Variants in UVRAG observed in about 807,000 individuals in gnomAD.
UVRAG encodes the protein UV radiation resistance associated.
In UVRAG, 19 loss-of-function variants were observed where a neutral mutation model predicts 78.0. The ratio of observed to expected loss-of-function variants is 0.24; its 90% confidence interval spans 0.17 to 0.36. The LOEUF is 0.36. Ranked by LOEUF, UVRAG falls within the 10% of genes least tolerant of loss-of-function variation. UVRAG has a pLI of 1.00. For missense variants in UVRAG, 740 were observed against 853.8 expected (o/e 0.87, Z 1.66); for synonymous variants, 323 against 324.6 (o/e 1.00, Z 0.05).
chr11:75,961,646 T>A, intron 7 of UVRAG, 97 bp downstream of exon 7: 5 of 868,054 alleles, frequency 5.8e-6, no homozygotes, highest in Non-Finnish European at 8.4e-6. Flanking sequence ...TTTAGATCGT[T>A]TTTATCTTCT....
intron 12 of UVRAG, among the ~76,000 whole-genome samples, chr11:76,053,462 A>C (rs989911630): frequency 4.6e-5 from 7 of 151,876 alleles, no homozygotes; most frequent in African/African-American, 1.7e-4. Flanking sequence ...TCCCCTCTTT[A>C]CCATTTTGTA....
At chr11:75,818,962 A>C (rs1333622279) in intron 1 of UVRAG, among the ~76,000 whole-genome samples, 1 of 152,188 alleles carries the variant, frequency 6.6e-6, no homozygotes, top group Non-Finnish European at 1.5e-5. Flanking sequence ...CCAAGATATC[A>C]GCAGCACCTC....
chr11:75,873,681 A>T (rs1309685345), intron 3 of UVRAG, among the ~76,000 whole-genome samples: 1 of 152,226 alleles, frequency 6.6e-6, no homozygotes, highest in Non-Finnish European at 1.5e-5. Flanking sequence ...TGTAAGCTAG[A>T]GGAAGCCCTC....
At position 76,141,134 on chromosome 11, in the gene UVRAG, G is replaced by A. The variant is rs1438327072; in HGVS notation, c.1821G>A (p.Gly607=). Residue 607 remains glycine (G), a synonymous_variant, in exon 15 of 15, where the codon GGG becomes GGA. Transcript: ENST00000356136. ...CTCTCCTACCCAGCGAGCAGGCCGG[G>A]TCCGCCAGTGTCCAGCTTCCAGGCG... ...NGTLLPSEQA[G]SASVQLPGEF... 2.3e-5 allele frequency: 37 copies of A among 1,614,030 alleles called. No individual in the cohort carries two copies. Among genetic ancestry groups the A allele is most frequent in the Non-Finnish European group, 3.1e-5 (37 of 1,180,044 alleles).
At position 75,852,168 on chromosome 11, in the gene UVRAG, G is replaced by A. The variant is rs547442562; in HGVS notation, c.235+168G>A. On this transcript the variant is annotated intron_variant, in intron 2 of 14. Transcript: ENST00000356136. ...TTGGGATGTATACTAAAGAAAGATG[G>A]CAGTTGGATAGTTCTTTCAGATAAC... Among the ~76,000 whole-genome samples, 3 of 152,274 alleles carry A rather than the reference G, an allele frequency of 2.0e-5. No homozygotes were observed. The East Asian group carries it at 5.8e-4, about 29-fold the overall frequency.
At position 76,016,997 on chromosome 11, in the gene UVRAG, T is replaced by G; in HGVS notation, c.1226+17T>G. ...GGAGAGAGAGTAAGTGTCTTTTTTT[T>G]AAAAAAATGATTTTAACATCAAGCC... On this transcript the variant is annotated intron_variant, in intron 12 of 14. Coordinates refer to ENST00000356136, the MANE Select transcript of UVRAG (RefSeq NM_003369.4). 2 of 1,557,660 alleles carry G rather than the reference T, an allele frequency of 1.3e-6. No homozygotes were observed. The highest frequency in any genetic ancestry group is 4.5e-5 in the East Asian group (2 of 44,120).
intron 1 of UVRAG, among the ~76,000 whole-genome samples, chr11:75,846,840 T>C (rs984059785): frequency 6.6e-6 from 1 of 152,126 alleles, no homozygotes; most frequent in African/African-American, 2.4e-5. Context: ...TTTTTTTTTT[T>C]TGAGACGGAG....
intron 13 of UVRAG, among the ~76,000 whole-genome samples, chr11:76,077,243 A>G (rs778470591): frequency 3.3e-4 from 50 of 151,332 alleles, no homozygotes; most frequent in South Asian, 6.2e-4. Context: ...ATTTATTTAT[A>G]CATAGTTTTT....
At chr11:76,099,514 A>T (rs781504763) in intron 13 of UVRAG, among the ~76,000 whole-genome samples, 17 of 152,180 alleles carry the variant, frequency 1.1e-4, no homozygotes, top group Non-Finnish European at 2.1e-4. Context: ...AAAAGATCCT[A>T]TTTGTATGTT....
At chr11:76,029,546 C>T (rs916928948) in intron 12 of UVRAG, among the ~76,000 whole-genome samples, 3 of 152,036 alleles carry the variant, frequency 2.0e-5, no homozygotes, top group African/African-American at 7.2e-5. Context: ...AAGTTGATTC[C>T]AACCCTCATG....
intron 13 of UVRAG, among the ~76,000 whole-genome samples, chr11:76,111,722 C>T (rs73498258): frequency 0.012 from 1,763 of 152,112 alleles, 33 homozygotes; most frequent in African/African-American, 0.04. Flanking sequence ...TAGTACTAAC[C>T]TTTCCCCGTG....
At chr11:76,002,073 C>T (rs959351536) in intron 8 of UVRAG, among the ~76,000 whole-genome samples, 7 of 152,154 alleles carry the variant, frequency 4.6e-5, no homozygotes, top group Admixed American at 4.6e-4. Context: ...CAACATCAGT[C>T]ATGTAGTATT....
intron 8 of UVRAG, 21 bp from the exon 9 acceptor site, chr11:76,003,984 T>C (rs751258101): frequency 1.9e-6 from 3 of 1,608,508 alleles, no homozygotes; most frequent in South Asian, 1.1e-5. Context: ...TATGGAATTA[T>C]CTCCTTCCTT....
intron 13 of UVRAG, among the ~76,000 whole-genome samples, chr11:76,075,925 T>C (rs1951396232): frequency 7.6e-6 from 1 of 131,722 alleles, no homozygotes; most frequent in South Asian, 2.4e-4. Flanking sequence ...GTCATTCCTT[T>C]TTGTAGCCAA....
At chr11:76,130,986 C>T (rs1381186577) in intron 14 of UVRAG, among the ~76,000 whole-genome samples, 1 of 147,974 alleles carries the variant, frequency 6.8e-6, no homozygotes, top group African/African-American at 2.5e-5. Flanking sequence ...GTTTATTATT[C>T]CCAAGTATCA....
intron 4 of UVRAG, among the ~76,000 whole-genome samples, chr11:75,886,874 C>G (rs1399604893): frequency 1.3e-5 from 2 of 150,874 alleles, no homozygotes; most frequent in African/African-American, 4.9e-5. Context: ...TTTGCCACAA[C>G]TCTTTCTGAT....
intron 3 of UVRAG, among the ~76,000 whole-genome samples, chr11:75,873,627 A>G (rs1173459425): frequency 4.6e-5 from 7 of 152,220 alleles, no homozygotes; most frequent in Non-Finnish European, 1.0e-4. Flanking sequence ...GAGGTGGACT[A>G]GGCAAATTCA....
intron 12 of UVRAG, among the ~76,000 whole-genome samples, chr11:76,041,761 C>T (rs1409694621): frequency 6.6e-6 from 1 of 152,146 alleles, no homozygotes; most frequent in Non-Finnish European, 1.5e-5. Flanking sequence ...TAAAAAATTA[C>T]AGTGGATATA....
At chr11:75,869,628 T>C (rs1946608848) in intron 3 of UVRAG, among the ~76,000 whole-genome samples, 1 of 152,206 alleles carries the variant, frequency 6.6e-6, no homozygotes, top group African/African-American at 2.4e-5. Context: ...AAGAACAGGA[T>C]GCCATGAAAA....
Sources: gnomAD v4.1 joint callset for allele counts (sites outside exome capture counted in the v4.1 genomes callset) on GRCh38, gnomAD v4.1.1 for gene constraint, MANE v1.5 for transcripts, NCBI Gene and HGNC (gene_info 2026-07-23, HGNC 2026-07-21) for gene names.